NUP188: variants seen among roughly 807,000 people sequenced by gnomAD.
The protein encoded by NUP188 is nucleoporin NUP188.
In NUP188, 97 loss-of-function variants were observed where a neutral mutation model predicts 223.0. That is an observed-to-expected ratio of 0.43 (90% CI 0.37 to 0.51). The LOEUF (loss-of-function observed/expected upper bound fraction) is 0.51. Ranked by LOEUF, NUP188 falls within the 20% of genes least tolerant of loss-of-function variation. The pLI is 0.00. For synonymous variants in NUP188, 869 were observed against 828.0 expected (o/e 1.05, Z -0.85); for missense variants, 1,947 against 2,175.6 (o/e 0.89, Z 2.09).
chr9:128,987,989 A>G, intron 23 of NUP188, 58 bp from the exon 24 acceptor site: 1 of 1,570,510 alleles, frequency 6.4e-7, no homozygotes, highest in South Asian at 1.1e-5. Flanking sequence ...GAGAGCACAT[A>G]TATTGCGAAT....
intron 34 of NUP188, among the ~76,000 whole-genome samples, 183 bp from the exon 35 acceptor site, chr9:129,001,346 T>A (rs1842662105): frequency 6.6e-6 from 1 of 152,116 alleles, no homozygotes; most frequent in Admixed American, 6.5e-5. Flanking sequence ...TTGCTGCTGT[T>A]CATTGAGAGC....
intron 33 of NUP188, 142 bp from the exon 34 acceptor site, chr9:128,999,471 CCTCATGTGTCT>C: frequency 8.3e-7 from 1 of 1,208,954 alleles, no homozygotes. Context: ...TATTTTTTTC[CCTCATGTGTCT>C]CTCCCTCCTC....
chr9:128,998,421 CCA>C, intron 31 of NUP188, 115 bp from the exon 32 acceptor site: 1 of 1,047,770 alleles, frequency 9.5e-7, no homozygotes, highest in African/African-American at 1.6e-5. Context: ...TTCTCCCCCT[CCA>C]CTCCACTCCT....
intron 12 of NUP188, among the ~76,000 whole-genome samples, chr9:128,978,881 TCGTA>T (rs896672243): frequency 5.3e-5 from 8 of 152,024 alleles, no homozygotes; most frequent in African/African-American, 1.9e-4. Context: ...TGGCTAACTT[TCGTA>T]TTTTTAGTAG....
chr9:128,986,880 T>C lies in NUP188; in HGVS notation c.2264+5T>C, dbSNP rs753864832. On this transcript the variant is annotated splice_donor_5th_base_variant and intron_variant, in intron 22 of 43. Transcript: ENST00000372577. ...CGAGACAGACCTGCACAGCAGGTAA[T>C]GAAGGGTTGATTACTAGAGCTTGGT... is the stretch of plus-strand genomic sequence containing the variant. The C allele has an allele frequency of 1.2e-5, 19 of 1,612,448 alleles. No individual in the cohort carries two copies. Among genetic ancestry groups the C allele is most frequent in the East Asian group, 2.2e-5 (1 of 44,878 alleles).
rs1441151903 is a variant in NUP188 at position 128,973,233 on chromosome 9, C to A, written c.1187C>A (p.Thr396Asn). ...SFVLTSLELH[T>N]LGNQQDIIDT... ...GTTCTGACCTCGTTGGAGCTGCACA[C>A]CCTGGGCAATCAGCAGGTCAGTGTC... Residue 396 changes from threonine to asparagine, a missense_variant, in exon 12 of 44, where the codon ACC (threonine) becomes AAC (asparagine). By Grantham distance (65) the Thr-to-Asn change is moderately conservative. Coordinates refer to ENST00000372577, the MANE Select transcript of NUP188 (RefSeq NM_015354.3). 6.2e-7 allele frequency: 1 copy of A among 1,612,940 alleles called. No individual in the cohort carries two copies. Among genetic ancestry groups the A allele is most frequent in the African/African-American group, 1.3e-5 (1 of 74,902 alleles).
At chr9:128,998,846 A>G (rs977497867) in intron 32 of NUP188, among the ~76,000 whole-genome samples, 1 of 139,964 alleles carries the variant, frequency 7.1e-6, no homozygotes, top group East Asian at 2.1e-4. Flanking sequence ...CTCACTCCCC[A>G]CCCCGTATTC....
Position 128,984,124 on chromosome 9 carries a change from A to ATTTTTTT in NUP188, c.1961+587_1961+593dup, listed in dbSNP as rs1193631566. The stretch of plus-strand genomic sequence containing the variant: ...GGCGTGAGCCACCGCGCCTGGCCTG[A>ATTTTTTT]TTTTTTTTTTTTTTTTTTTGAGATG... On this transcript the variant is annotated intron_variant, in intron 19 of 43. Transcript: ENST00000372577. Among the ~76,000 whole-genome samples, 23 of 93,052 alleles carry ATTTTTTT rather than the reference A, an allele frequency of 2.5e-4. 2 individuals carry two copies. The highest frequency in any genetic ancestry group is 1.4e-3 in the South Asian group (4 of 2,780). The allele number at this position is 93,052 out of a possible 152,430, so 61.0% of individuals were successfully genotyped here. A position where few individuals can be genotyped will look rare whatever the true frequency, so the allele number is the denominator to read the frequency against.
At chr9:128,982,825 T>C in intron 16 of NUP188, 77 bp from the exon 17 acceptor site, 1 of 1,595,268 alleles carries the variant, frequency 6.3e-7, no homozygotes, top group Non-Finnish European at 8.6e-7. Flanking sequence ...CTGATTTGTG[T>C]ATCTGGGTCT....
At chr9:128,966,252 CTCTGTGTCTG>C (rs1442861233) in intron 8 of NUP188, among the ~76,000 whole-genome samples, 111 of 124,556 alleles carry the variant, frequency 8.9e-4, no homozygotes, top group African/African-American at 2.9e-3. Flanking sequence ...CTCTGTCTGT[CTCTGTGTCTG>C]TGTGTGTGTG....
chr9:128,969,327 T>G, intron 9 of NUP188, 73 bp from the exon 10 acceptor site: 1 of 937,562 alleles, frequency 1.1e-6, no homozygotes. Context: ...TCGCAGTGTC[T>G]TATATCTCAC....
intron 12 of NUP188, among the ~76,000 whole-genome samples, chr9:128,978,419 T>C (rs1395314747): frequency 2.0e-5 from 3 of 151,096 alleles, no homozygotes; most frequent in Admixed American, 1.3e-4. Flanking sequence ...AAAAATTAGC[T>C]GGGCGTGGTG....
chr9:128,977,275 A>G (rs995965896), intron 12 of NUP188, among the ~76,000 whole-genome samples: 1 of 151,808 alleles, frequency 6.6e-6, no homozygotes, highest in Non-Finnish European at 1.5e-5. Context: ...GCCCGCCGCC[A>G]TACCCAGCTA....
At chr9:128,982,787 A>C in intron 16 of NUP188, 86 bp downstream of exon 16, 5 of 1,587,590 alleles carry the variant, frequency 3.1e-6, no homozygotes, top group Non-Finnish European at 4.3e-6. Context: ...TCTACATAAA[A>C]TTTAGAACCA....
intron 8 of NUP188, among the ~76,000 whole-genome samples, chr9:128,960,330 C>T (rs1212254829): frequency 6.6e-6 from 1 of 151,976 alleles, no homozygotes; most frequent in East Asian, 1.9e-4. Flanking sequence ...CTCAGCCTCC[C>T]AAAGTGCTGG....
rs142239402 is a variant in NUP188 at position 128,980,592 on chromosome 9, C to T, written c.1270-14C>T. On this transcript the variant is annotated splice_polypyrimidine_tract_variant and intron_variant, in intron 13 of 43. Coordinates refer to ENST00000372577, the MANE Select transcript of NUP188 (RefSeq NM_015354.3). ...ATAATGTGAAGATCAGTGATTTGTCCCCTTCCACCACAGGAGCCAACTTCT... is the reference window on the plus strand; with the variant it reads ...ATAATGTGAAGATCAGTGATTTGTCTCCTTCCACCACAGGAGCCAACTTCT... 226 of 1,601,114 alleles carry T rather than the reference C, an allele frequency of 1.4e-4. 1 individual carries two copies. The African/African-American group carries it at 2.5e-3, about 17-fold the overall frequency.
intron 8 of NUP188, 43 bp downstream of exon 8, chr9:128,959,177 A>G (rs756651113): frequency 1.4e-6 from 2 of 1,479,178 alleles, no homozygotes; most frequent in Non-Finnish European, 1.8e-6. Context: ...TTTTTTTAAG[A>G]TGGAGTTTCC....
chr9:129,003,304 G>C lies in NUP188; in HGVS notation c.4297-13G>C. 1 of 1,598,350 alleles carries C rather than the reference G, an allele frequency of 6.3e-7. No individual in the cohort carries two copies. Among genetic ancestry groups the C allele is most frequent in the South Asian group, 1.1e-5 (1 of 89,036 alleles). On this transcript the variant is annotated splice_polypyrimidine_tract_variant and intron_variant, in intron 37 of 43. Transcript: ENST00000372577. ...CCATCCCCATCTTTCCCTGATGTGT[G>C]CTTTCCTCCCAGTGCCTCAACGCAG...
intron 8 of NUP188, among the ~76,000 whole-genome samples, chr9:128,967,471 A>G (rs1041562818): frequency 5.9e-5 from 9 of 152,158 alleles, no homozygotes; most frequent in African/African-American, 2.2e-4. Flanking sequence ...CCCTGGCAAC[A>G]TAGCAAGACC....
Sources: gnomAD v4.1 joint callset for allele counts (sites outside exome capture counted in the v4.1 genomes callset) on GRCh38, gnomAD v4.1.1 for gene constraint, MANE v1.5 for transcripts, NCBI Gene and HGNC (gene_info 2026-07-23, HGNC 2026-07-21) for gene names.